F13A1: variants seen among roughly 807,000 people sequenced by gnomAD.
F13A1 encodes coagulation factor XIII A chain.
Under a neutral mutation model 80.1 loss-of-function variants are expected in F13A1, and 47 were observed. That is an observed-to-expected ratio of 0.59 (90% confidence interval 0.46 to 0.75). The LOEUF is 0.75. Ranked by LOEUF, F13A1 falls within the 30% of genes least tolerant of loss-of-function variation. F13A1 has a pLI of 0.00. For synonymous variants in F13A1, 349 were observed against 344.9 expected, an observed-to-expected ratio of 1.01 and a Z score of -0.13; for missense variants, 817 against 930.4, an observed-to-expected ratio of 0.88 and a Z score of 1.59.
At chr6:6,167,362 TCACACA>T in intron 13 of F13A1, 90 bp downstream of exon 13, 3 of 1,114,094 alleles carry the variant, frequency 2.7e-6, no homozygotes, top group Non-Finnish European at 3.8e-6. Context: ...GGACATTCAT[TCACACA>T]CACACACACA....
At position 6,182,062 on chromosome 6, in the gene F13A1, C is replaced by T; in HGVS notation, c.1385G>A (p.Gly462Glu). 1 of 1,614,110 alleles carries T rather than the reference C, an allele frequency of 6.2e-7. No homozygotes were observed. Among genetic ancestry groups the T allele is most frequent in the Non-Finnish European group, 8.5e-7 (1 of 1,179,990 alleles). Residue 462 changes from glycine (G) to glutamate (E), a missense_variant, in exon 11 of 15, where the codon GGG becomes GAG. Transcript: ENST00000264870. ...VVENVDATHI[G>E]KLIVTKQIGG... ...AATTTGTTTGGTCACAATTAATTTC[C>T]CAATGTGGGTGGCATCCACATTTTC...
chr6:6,163,363 G>C (rs903039596), intron 13 of F13A1, among the ~76,000 whole-genome samples: 1 of 152,124 alleles, frequency 6.6e-6, no homozygotes, highest in Non-Finnish European at 1.5e-5. Context: ...AAGTTCAGGG[G>C]TACATGTGCA....
chr6:6,311,713 A>G (rs542638230), intron 2 of F13A1, among the ~76,000 whole-genome samples: 4 of 57,580 alleles, frequency 6.9e-5, no homozygotes, highest in Non-Finnish European at 1.3e-4. Flanking sequence ...ATATAAACAA[A>G]TAATATATTA....
At position 6,224,738 on chromosome 6, in the gene F13A1, C is replaced by A. The variant is rs906062128; in HGVS notation, c.921G>T (p.Glu307Asp). The A allele has an allele frequency of 6.2e-7, 1 of 1,614,162 alleles. No individual in the cohort carries two copies. Among genetic ancestry groups the A allele is most frequent in the African/African-American group, 1.3e-5 (1 of 75,046 alleles). The part of the protein sequence containing the change: ...VDILLEYRSS[E>D]NPVRYGQCWV... ...AGCATTGGCCATACCGGACTGGATT[C>A]TCAGAGCTCCGGTATTCCAATAGAA... Residue 307 changes from glutamate to aspartate, a missense_variant, in exon 7 of 15, where the codon GAG becomes GAT. Physicochemically the swap from Glu to Asp is conservative, Grantham distance 45. Transcript: ENST00000264870.
intron 4 of F13A1, among the ~76,000 whole-genome samples, chr6:6,253,282 T>C (rs922147207): frequency 2.0e-5 from 3 of 152,150 alleles, no homozygotes; most frequent in Non-Finnish European, 4.4e-5. Context: ...CCTGCATCTA[T>C]GCCCTTTGCC....
At chr6:6,274,076 A>C (rs1456415689) in intron 3 of F13A1, among the ~76,000 whole-genome samples, 1 of 152,166 alleles carries the variant, frequency 6.6e-6, no homozygotes, top group Non-Finnish European at 1.5e-5. Flanking sequence ...TTTCCTAAAG[A>C]AAAGAGACCT....
chr6:6,294,725 G>GTCTTTTTTT (rs1758293252), intron 3 of F13A1, among the ~76,000 whole-genome samples: 1 of 121,968 alleles, frequency 8.2e-6, no homozygotes, highest in African/African-American at 2.8e-5. Context: ...TTTTTTTTTA[G>GTCTTTTTTT]TCTTTTTTTA....
chr6:6,198,495 C>T (rs1045178121), intron 8 of F13A1, among the ~76,000 whole-genome samples: 8 of 152,176 alleles, frequency 5.3e-5, no homozygotes, highest in Admixed American at 1.3e-4. Flanking sequence ...CGTGCCTAGA[C>T]GCCCTTCAAT....
chr6:6,285,897 G>A (rs537334822), intron 3 of F13A1, among the ~76,000 whole-genome samples: 3 of 152,194 alleles, frequency 2.0e-5, no homozygotes, highest in Non-Finnish European at 2.9e-5. Context: ...CCAAAATGGC[G>A]GAATTTAACC....
intron 10 of F13A1, among the ~76,000 whole-genome samples, chr6:6,185,752 G>T (rs1307933839): frequency 6.6e-6 from 1 of 152,168 alleles, no homozygotes; most frequent in Non-Finnish European, 1.5e-5. Flanking sequence ...TGGGATGGCT[G>T]GTTCAAATGG....
At chr6:6,201,950 T>A (rs1761402613) in intron 8 of F13A1, among the ~76,000 whole-genome samples, 1 of 152,240 alleles carries the variant, frequency 6.6e-6, no homozygotes, top group African/African-American at 2.4e-5. Flanking sequence ...TATCTTTAAT[T>A]TTTTAAATAG....
chr6:6,217,576 C>G (rs1250295734), intron 8 of F13A1, among the ~76,000 whole-genome samples: 1 of 151,568 alleles, frequency 6.6e-6, no homozygotes, highest in African/African-American at 2.4e-5. Context: ...ATACCTAATG[C>G]TGGATGACGA....
In F13A1 at chr6:6,195,335, C is replaced by A. The variant is rs368547254; in HGVS notation, c.1305+462G>T. 9.8e-5 allele frequency among the ~76,000 whole-genome samples: 15 copies of A among 152,306 alleles called. No individual in the cohort carries two copies. In the South Asian group the frequency reaches 2.7e-3, roughly 27 times the overall value. On this transcript the variant is annotated intron_variant, in intron 10 of 14. Coordinates refer to ENST00000264870, the MANE Select transcript of F13A1 (RefSeq NM_000129.4). ...GGCCACAGGTGATGGTGTGGGATGG[C>A]AGGACATAGATTGCAAAGGCCAGGG...
At chr6:6,177,861 G>A (rs906801061) in intron 11 of F13A1, among the ~76,000 whole-genome samples, 3 of 152,188 alleles carry the variant, frequency 2.0e-5, no homozygotes, top group Non-Finnish European at 2.9e-5. Context: ...TTTTTGGAGC[G>A]AGGGCAAGAC....
intron 3 of F13A1, among the ~76,000 whole-genome samples, chr6:6,299,404 G>T (rs1443474556): frequency 2.3e-5 from 3 of 132,348 alleles, no homozygotes; most frequent in Non-Finnish European, 4.5e-5. Context: ...CGTAGATTTG[G>T]TCTTTTCACA....
intron 14 of F13A1, among the ~76,000 whole-genome samples, chr6:6,151,252 A>G (rs1040149516): frequency 6.6e-6 from 1 of 151,344 alleles, no homozygotes. Flanking sequence ...ATGGGGAACC[A>G]TCTAGAGCTC....
intron 4 of F13A1, among the ~76,000 whole-genome samples, chr6:6,260,349 C>T (rs1399033956): frequency 6.6e-6 from 1 of 152,140 alleles, no homozygotes; most frequent in Non-Finnish European, 1.5e-5. Flanking sequence ...AATTTTCAGC[C>T]CAGCATCCTG....
chr6:6,302,120 C>G (rs140808506), intron 3 of F13A1, among the ~76,000 whole-genome samples: 1 of 152,176 alleles, frequency 6.6e-6, no homozygotes, highest in African/African-American at 2.4e-5. Flanking sequence ...ATTTTCTGAA[C>G]GGCCTATGAG....
At chr6:6,311,397 C>T (rs1251283073) in intron 2 of F13A1, among the ~76,000 whole-genome samples, 1 of 151,646 alleles carries the variant, frequency 6.6e-6, no homozygotes, top group Non-Finnish European at 1.5e-5. Context: ...AACATAAGAC[C>T]TCCAGATCAG....
Sources: gnomAD v4.1 joint callset for allele counts (sites outside exome capture counted in the v4.1 genomes callset) on GRCh38, gnomAD v4.1.1 for gene constraint, MANE v1.5 for transcripts, NCBI Gene and HGNC (gene_info 2026-07-23, HGNC 2026-07-21) for gene names.